The following ACTR8 variants were observed in gnomAD, a reference collection of about 807,000 sequenced individuals.
ACTR8 encodes actin-related protein 8.
In ACTR8, 70 loss-of-function variants were observed where a neutral mutation model predicts 84.3. The ratio of observed to expected loss-of-function variants is 0.83; its 90% confidence interval spans 0.68 to 1.01. The LOEUF (loss-of-function observed/expected upper bound fraction) is 1.01. ACTR8 is among the 50% of genes least tolerant of loss of function. The pLI is 0.00. For missense variants in ACTR8, 672 were observed against 775.4 expected, an observed-to-expected ratio of 0.87 and a Z score of 1.58; for synonymous variants, 268 against 275.2, an observed-to-expected ratio of 0.97 and a Z score of 0.26.
intron 1 of ACTR8, among the ~76,000 whole-genome samples, chr3:53,880,651 G>A (rs1027393460): frequency 1.3e-5 from 2 of 152,138 alleles, no homozygotes; most frequent in Non-Finnish European, 2.9e-5. Flanking sequence ...TGGCTTACAC[G>A]ACCCTCATGA....
chr3:53,878,376 A>G lies in ACTR8; in HGVS notation c.386T>C (p.Ile129Thr), dbSNP rs1427480525. ...TCGAACCTGTTCAGGGGACACAGGA[A>G]TGCGTCTTGTACCATTGGACATCTT... ...SKKMSNGTRR[I>T]PVSPEQARSY... Residue 129 changes from isoleucine (I) to threonine (T), a missense_variant, in exon 3 of 13, where the codon ATT becomes ACT. Physicochemically the swap from Ile to Thr is moderately conservative, Grantham distance 89 (BLOSUM62 -1). Coordinates refer to ENST00000335754, the MANE Select transcript of ACTR8 (RefSeq NM_022899.5). 2.5e-6 allele frequency: 4 copies of G among 1,611,952 alleles called. No homozygotes were observed. The Admixed American group carries it at 5.0e-5, about 20-fold the overall frequency.
In ACTR8 at chr3:53,868,407, G is replaced by GGGCT. The variant is rs1415560679; in HGVS notation, c.*308_*311dup. On this transcript the variant is annotated 3_prime_UTR_variant, in exon 13 of 13. Transcript: ENST00000335754. The stretch of plus-strand genomic sequence containing the variant: ...TGAGATTCAAGCCAACTTAAATGAA[G>GGGCT]GGCTTCACCACATGAGAACCTTCAA... 2.8e-5 allele frequency: 7 copies of GGGCT among 253,380 alleles called. No individual in the cohort carries two copies. The highest frequency in any genetic ancestry group is 2.3e-3 in the Middle Eastern group (2 of 868). 15.7% of individuals were successfully genotyped at this position (253,380 alleles called of 1,614,324 possible). A position where few individuals can be genotyped will look rare whatever the true frequency, so the allele number is the denominator to read the frequency against.
At chr3:53,860,133 AAAGC>A in the ACTR8 span, 9 of 1,612,866 alleles carry the variant, frequency 5.6e-6, no homozygotes, top group South Asian at 9.9e-5. Context: ...TTTCCAGACA[AAAGC>A]AAGCCGGGAG....
At chr3:53,860,105 G>A in the ACTR8 span, 1 of 1,548,452 alleles carries the variant, frequency 6.5e-7, no homozygotes, top group Non-Finnish European at 8.9e-7. Flanking sequence ...GTTTTCCAAA[G>A]GTGAATAAGC....
intron 5 of ACTR8, 69 bp downstream of exon 5, chr3:53,877,145 T>A: frequency 6.9e-7 from 1 of 1,442,994 alleles, no homozygotes; most frequent in Non-Finnish European, 9.3e-7. Flanking sequence ...TACAAACAAC[T>A]CGGTAACGTG....
At position 53,873,134 on chromosome 3, in the gene ACTR8, C is replaced by T. The variant is rs766677603; in HGVS notation, c.1066-7G>A. The T allele has an allele frequency of 5.0e-6, 8 of 1,600,040 alleles. No homozygotes were observed. The highest frequency in any genetic ancestry group is 8.5e-7 in the Non-Finnish European group (1 of 1,169,746). On this transcript the variant is annotated splice_region_variant and splice_polypyrimidine_tract_variant and intron_variant, in intron 8 of 12. Transcript: ENST00000335754. ...CCTGAAGCCCAGAGATGTCCTGATT[C>T]CAGGAAAAGATGCTGTCAGTGAATC...
chr3:53,869,766 T>C (rs1287392674), intron 12 of ACTR8, among the ~76,000 whole-genome samples: 4 of 152,168 alleles, frequency 2.6e-5, no homozygotes, highest in Non-Finnish European at 1.5e-5. Flanking sequence ...TCATGCTAGT[T>C]TGGGGAGCAC....
chr3:53,881,283 G>C lies in ACTR8; in HGVS notation c.123+696C>G, dbSNP rs140754279. Among the ~76,000 whole-genome samples, 360 of 152,326 alleles carry C rather than the reference G, an allele frequency of 2.4e-3. 4 individuals carry two copies. The highest frequency in any genetic ancestry group is 8.3e-3 in the African/African-American group (345 of 41,556). ...TTATGCCTCATTTCTTCTGTGAATT[G>C]TACACTGCCTGTGCCCGTTTTCCTA... is the stretch of plus-strand genomic sequence containing the variant. On this transcript the variant is annotated intron_variant, in intron 1 of 12. Transcript: ENST00000335754.
rs774947612 is a variant in ACTR8 at position 53,877,717 on chromosome 3, A to G, written c.440T>C (p.Ile147Thr). Reference sequence around the variant, plus strand: ...CTTATTTCCCGAACAGTGATCTAAAATTGCAGGTCGCATCTGCTTATTGTA... The same window carrying G: ...CTTATTTCCCGAACAGTGATCTAAAGTTGCAGGTCGCATCTGCTTATTGTA... ...RSYNKQMRPAILDHCSGNKWT... is the reference protein window; with the variant it reads ...RSYNKQMRPATLDHCSGNKWT... Residue 147 changes from isoleucine to threonine, a missense_variant, in exon 4 of 13, where the codon ATT becomes ACT. Ile to Thr is a moderately conservative substitution (Grantham distance 89, BLOSUM62 -1). Coordinates refer to ENST00000335754, the MANE Select transcript of ACTR8 (RefSeq NM_022899.5). The G allele has an allele frequency of 6.2e-7, 1 of 1,614,144 alleles. No homozygotes were observed. Among genetic ancestry groups the G allele is most frequent in the East Asian group, 2.2e-5 (1 of 44,874 alleles).
At chr3:53,881,819 G>A in intron 1 of ACTR8, 160 bp downstream of exon 1, 4 of 1,235,560 alleles carry the variant, frequency 3.2e-6, no homozygotes, top group Non-Finnish European at 4.5e-6. Flanking sequence ...CGGCGTCCCG[G>A]CGCGCCACCA....
chr3:53,864,262 T>G (rs966038538), downstream of ACTR8, among the ~76,000 whole-genome samples: 28 of 152,132 alleles, frequency 1.8e-4, no homozygotes, highest in African/African-American at 6.3e-4. Flanking sequence ...TAAGGCAGGG[T>G]GCGGTGGCTC....
chr3:53,877,370 T>C lies in ACTR8; in HGVS notation c.528A>G (p.Pro176=), dbSNP rs1559794632. Residue 176 remains proline (P), a synonymous_variant, in exon 5 of 13, where the codon CCA becomes CCG. Coordinates refer to ENST00000335754, the MANE Select transcript of ACTR8 (RefSeq NM_022899.5). ...GCCAGTGAATATTGTAACAGTCCAG[T>C]GGATTAACATACAAGGCCTAGAAAA... ...LVGEEALYVN[P]LDCYNIHWPI... 6.2e-7 allele frequency: 1 copy of C among 1,606,550 alleles called. No individual in the cohort carries two copies. The highest frequency in any genetic ancestry group is 8.5e-7 in the Non-Finnish European group (1 of 1,177,600).
At chr3:53,874,069 C>G in intron 8 of ACTR8, 142 bp downstream of exon 8, 2 of 691,514 alleles carry the variant, frequency 2.9e-6, no homozygotes, top group Non-Finnish European at 4.4e-6. Flanking sequence ...CATGATCCAC[C>G]CACCTCGGCC....
chr3:53,881,447 A>G (rs143359426), intron 1 of ACTR8, among the ~76,000 whole-genome samples: 1 of 152,348 alleles, frequency 6.6e-6, no homozygotes, highest in East Asian at 1.9e-4. Flanking sequence ...TTGATACACA[A>G]GCTCTTAATA....
At chr3:53,866,725 C>T (rs1001963643), downstream of ACTR8, among the ~76,000 whole-genome samples, 4 of 152,190 alleles carry the variant, frequency 2.6e-5, no homozygotes, top group Admixed American at 2.6e-4. Context: ...TCATGATCCA[C>T]CCACCTCAGC....
At chr3:53,879,516 T>C (rs1237710354) in intron 2 of ACTR8, among the ~76,000 whole-genome samples, 1 of 152,234 alleles carries the variant, frequency 6.6e-6, no homozygotes, top group Non-Finnish European at 1.5e-5. Flanking sequence ...TTATGGTTAA[T>C]CTAAGACCAT....
chr3:53,865,257 G>C, downstream of ACTR8: 2 of 1,611,758 alleles, frequency 1.2e-6, no homozygotes, highest in Non-Finnish European at 1.7e-6. Flanking sequence ...AGCAGCAGGT[G>C]TCAGCAGGAA....
chr3:53,878,676 T>A (rs1159078691), intron 2 of ACTR8, among the ~76,000 whole-genome samples: 1 of 152,108 alleles, frequency 6.6e-6, no homozygotes, highest in East Asian at 1.9e-4. Context: ...TACAAGAAAT[T>A]AGCTGGGTGT....
chr3:53,871,391 C>T lies in ACTR8; in HGVS notation c.1408G>A (p.Glu470Lys). 1.9e-6 allele frequency: 3 copies of T among 1,614,266 alleles called. No homozygotes were observed. The highest frequency in any genetic ancestry group is 2.5e-6 in the Non-Finnish European group (3 of 1,180,040). The change falls in exon 11 of 13, where the codon GAG (glutamate) becomes AAG (lysine). Residue 470 changes from glutamate (E) to lysine (K), a missense_variant. By Grantham distance (56) the Glu-to-Lys change is moderately conservative (BLOSUM62 1). Coordinates refer to ENST00000335754, the MANE Select transcript of ACTR8 (RefSeq NM_022899.5). Reference protein sequence around the residue: ...SDLPERLHSQEVDLGSAQGDG... With the variant: ...SDLPERLHSQKVDLGSAQGDG... The stretch of plus-strand genomic sequence containing the variant: ...CCCTGTGCAGACCCCAAATCTACCT[C>T]CTGGGAATGGAGTCTTTCTGGAAGA...
Sources: gnomAD v4.1 joint callset for allele counts (sites outside exome capture counted in the v4.1 genomes callset) on GRCh38, gnomAD v4.1.1 for gene constraint, MANE v1.5 for transcripts, NCBI Gene and HGNC (gene_info 2026-07-23, HGNC 2026-07-21) for gene names.